Variants in PPP2R2D observed in about 807,000 individuals in gnomAD.
PPP2R2D encodes serine/threonine-protein phosphatase 2A 55 kDa regulatory subunit B delta isoform.
PPP2R2D carries 9 observed loss-of-function variants against 31.1 expected under a neutral mutation model. The observed-to-expected ratio is 0.29, with a 90% CI of 0.17 to 0.51. The LOEUF (loss-of-function observed/expected upper bound fraction) is 0.51, where lower values mean the gene tolerates loss of function less well. Among genes scored for constraint, PPP2R2D ranks in the 20% least tolerant of loss-of-function variants. PPP2R2D has a pLI of 0.98. For missense variants in PPP2R2D, 391 were observed against 465.6 expected (o/e 0.84, Z 1.48); for synonymous variants, 179 against 172.6 (o/e 1.04, Z -0.29).
downstream of PPP2R2D, among the ~76,000 whole-genome samples, chr10:131,960,618 G>A (rs1442912894): frequency 6.6e-6 from 1 of 152,202 alleles, no homozygotes; most frequent in Non-Finnish European, 1.5e-5. Flanking sequence ...TGGGATTGGT[G>A]TGTGTCCTGC....
At chr10:131,925,461 A>G (rs2036088125) in intron 2 of PPP2R2D, among the ~76,000 whole-genome samples, 1 of 152,140 alleles carries the variant, frequency 6.6e-6, no homozygotes, top group Admixed American at 6.5e-5. Context: ...TTGTTTTTGT[A>G]TGTTAAACCA....
chr10:131,965,098 C>T, the PPP2R2D span, among the ~76,000 whole-genome samples: 6 of 152,110 alleles, frequency 3.9e-5, no homozygotes, highest in Non-Finnish European at 8.8e-5. Flanking sequence ...GCAGTTTGGA[C>T]GGGGCTCAGC....
At chr10:131,940,258 G>T (rs572026883) in intron 4 of PPP2R2D, 62 bp downstream of exon 4, 12 of 597,038 alleles carry the variant, frequency 2.0e-5, no homozygotes, top group Non-Finnish European at 3.7e-5. Flanking sequence ...TTCTGTGTGT[G>T]TGTAGATTCC....
Position 131,956,584 on chromosome 10 carries a change from A to G in PPP2R2D, c.*621A>G. ...TTGTCTTTTTATTTAATTTTATTGC[A>G]TAGAATGAAGTTATGCAGGGTTCTT... On this transcript the variant is annotated 3_prime_UTR_variant, in exon 9 of 9. Transcript: ENST00000455566. 1 of 982,858 alleles carries G rather than the reference A, an allele frequency of 1.0e-6. No individual in the cohort carries two copies. Among genetic ancestry groups the G allele is most frequent in the Non-Finnish European group, 1.2e-6 (1 of 827,576 alleles). The allele number at this position is 982,858 out of a possible 1,614,324, so 60.9% of individuals were successfully genotyped here.
At chr10:131,919,601 C>A (rs2035922763) in intron 2 of PPP2R2D, among the ~76,000 whole-genome samples, 1 of 122,842 alleles carries the variant, frequency 8.1e-6, no homozygotes, top group African/African-American at 3.1e-5. Flanking sequence ...TTTGTAGGGA[C>A]CTCAGGCGGG....
intron 2 of PPP2R2D, among the ~76,000 whole-genome samples, chr10:131,922,095 G>A (rs1376091706): frequency 1.2e-4 from 19 of 152,122 alleles, no homozygotes; most frequent in Admixed American, 1.2e-3. Context: ...GGTTTAATAT[G>A]GTTCCCAAAT....
At chr10:131,969,524 G>A in the PPP2R2D span, 4 of 152,312 alleles carry the variant, frequency 2.6e-5, no homozygotes, top group Non-Finnish European at 5.9e-5. Flanking sequence ...CCAAGAGCTA[G>A]GAGAAAGCCA....
chr10:131,952,346 GT>G (rs1341779862), intron 8 of PPP2R2D, among the ~76,000 whole-genome samples: 2 of 52,192 alleles, frequency 3.8e-5, no homozygotes, highest in African/African-American at 1.7e-4. Flanking sequence ...ATTTGCATGT[GT>G]GGGGGGGGTT....
Position 131,901,038 on chromosome 10 carries a change from G to GCGGCGGCGGCGGCGGCGGCGGCGC in PPP2R2D, c.-103_-102insGCGGCGGCGGCGGCGCCGGCGGCG, listed in dbSNP as rs1554891360. The GCGGCGGCGGCGGCGGCGGCGGCGC allele has an allele frequency of 1.9e-5, 3 of 158,932 alleles. No homozygotes were observed. Among genetic ancestry groups the GCGGCGGCGGCGGCGGCGGCGGCGC allele is most frequent in the South Asian group, 1.7e-4 (1 of 5,740 alleles). The allele number at this position is 158,932 out of a possible 1,614,324, so 9.8% of individuals were successfully genotyped here. The stretch of plus-strand genomic sequence containing the variant: ...TCCCTCCCCGGCGGCGGCGGCGGCG[G>GCGGCGGCGGCGGCGGCGGCGGCGC]CGGCGGCGCCGGCGGTGGTGGCGGC... On this transcript the variant is annotated 5_prime_UTR_variant, in exon 1 of 9. Coordinates refer to ENST00000455566, the MANE Select transcript of PPP2R2D (RefSeq NM_018461.5).
chr10:131,906,854 T>C (rs1232024420), intron 2 of PPP2R2D, among the ~76,000 whole-genome samples: 1 of 151,702 alleles, frequency 6.6e-6, no homozygotes, highest in African/African-American at 2.4e-5. Context: ...GGTGGGGGCA[T>C]CGCTTGAGCC....
intron 2 of PPP2R2D, among the ~76,000 whole-genome samples, chr10:131,917,826 G>C (rs1466911286): frequency 1.8e-5 from 2 of 114,202 alleles, no homozygotes; most frequent in Admixed American, 1.7e-4. Flanking sequence ...AGGGACCTCA[G>C]GCGGGTGGAA....
At chr10:131,906,855 C>T (rs953929419) in intron 2 of PPP2R2D, among the ~76,000 whole-genome samples, 29 of 151,416 alleles carry the variant, frequency 1.9e-4, no homozygotes, top group African/African-American at 7.0e-4. Flanking sequence ...GTGGGGGCAT[C>T]GCTTGAGCCA....
At chr10:131,936,559 C>T (rs2036345036) in intron 3 of PPP2R2D, among the ~76,000 whole-genome samples, 2 of 152,240 alleles carry the variant, frequency 1.3e-5, no homozygotes, top group South Asian at 4.1e-4. Flanking sequence ...GAAGATGCCT[C>T]ATCCCTGCCT....
At chr10:131,944,179 C>G (rs1461994763) in intron 6 of PPP2R2D, 34 bp downstream of exon 6, 2 of 1,561,666 alleles carry the variant, frequency 1.3e-6, no homozygotes, top group Non-Finnish European at 1.7e-6. Context: ...GGCGTCTTCC[C>G]GAGGGTGCTC....
downstream of PPP2R2D, among the ~76,000 whole-genome samples, chr10:131,962,704 G>A (rs2036940629): frequency 6.6e-6 from 1 of 152,178 alleles, no homozygotes; most frequent in Admixed American, 6.5e-5. Flanking sequence ...ACTGGCAGGG[G>A]CTGCCTGCAC....
chr10:131,917,024 C>CACAGTGTAGGGACCTCAG (rs2035810970), intron 2 of PPP2R2D, among the ~76,000 whole-genome samples: 1 of 116,770 alleles, frequency 8.6e-6, no homozygotes, highest in Admixed American at 8.4e-5. Context: ...AGGGACCTCA[C>CACAGTGTAGGGACCTCAG]GTGGGTGGAA....
At chr10:131,909,957 T>G (rs2119733774) in intron 2 of PPP2R2D, among the ~76,000 whole-genome samples, 1 of 152,366 alleles carries the variant, frequency 6.6e-6, no homozygotes, top group African/African-American at 2.4e-5. Context: ...CACATCCTTT[T>G]AAAATATGAG....
chr10:131,925,979 C>T (rs949312182), intron 2 of PPP2R2D, among the ~76,000 whole-genome samples: 3 of 152,282 alleles, frequency 2.0e-5, no homozygotes, highest in Non-Finnish European at 4.4e-5. Context: ...TGATTTATTT[C>T]CCTTACTGGG....
Position 131,945,603 on chromosome 10 carries a change from G to A in PPP2R2D, c.820+144G>A, listed in dbSNP as rs1409808898. On this transcript the variant is annotated intron_variant, in intron 7 of 8. Coordinates refer to ENST00000455566, the MANE Select transcript of PPP2R2D (RefSeq NM_018461.5). The surrounding 1 kb of genome is among the most constrained non-coding windows in gnomAD (Gnocchi z 4.8). Reference sequence around the variant, plus strand: ...GCCTCCCGAGTAGCTGGGACCACAGGCAGGTGCCACCATGCCCAGCTAGTT... The same window carrying A: ...GCCTCCCGAGTAGCTGGGACCACAGACAGGTGCCACCATGCCCAGCTAGTT... 32 of 919,530 alleles carry A rather than the reference G, an allele frequency of 3.5e-5. No homozygotes were observed. The highest frequency in any genetic ancestry group is 5.1e-5 in the Non-Finnish European group (32 of 628,076). 57.0% of individuals were successfully genotyped at this position (919,530 alleles called of 1,614,324 possible). A position where few individuals can be genotyped will look rare whatever the true frequency, so the allele number is the denominator to read the frequency against.
Sources: allele counts gnomAD v4.1 joint callset (sites outside exome capture counted in the v4.1 genomes callset), GRCh38; gene constraint gnomAD v4.1.1; non-coding constraint Gnocchi (gnomAD v3.1); transcripts MANE v1.5; gene names NCBI Gene and HGNC (gene_info 2026-07-23, HGNC 2026-07-21).